The following PAPPA2 variants were observed in gnomAD, a reference collection of about 807,000 sequenced individuals.
PAPPA2 encodes the protein pappalysin-2.
A neutral mutation model predicts 176.4 loss-of-function variants in PAPPA2; 86 were observed. The ratio of observed to expected loss-of-function variants is 0.49; its 90% CI spans 0.41 to 0.58. PAPPA2 has a LOEUF of 0.58. Among genes scored for constraint, PAPPA2 ranks in the 20% least tolerant of loss-of-function variants. The pLI is 0.00. For missense variants in PAPPA2, 2,073 were observed against 2,256.9 expected (o/e 0.92, Z 1.65); for synonymous variants, 809 against 852.2 (o/e 0.95, Z 0.88).
intron 2 of PAPPA2, among the ~76,000 whole-genome samples, chr1:176,558,779 CTG>C (rs1216552044): frequency 1.3e-5 from 2 of 152,170 alleles, no homozygotes; most frequent in Non-Finnish European, 2.9e-5. Context: ...GCCAGGGAAA[CTG>C]TGTGCTTGCA....
intron 12 of PAPPA2, 144 bp downstream of exon 12, chr1:176,712,125 GT>G: frequency 2.0e-6 from 2 of 1,020,980 alleles, no homozygotes; most frequent in Non-Finnish European, 2.8e-6. Flanking sequence ...AATATTTTGA[GT>G]TTATTTTCAC....
At chr1:176,614,193 A>T (rs762947671) in intron 3 of PAPPA2, among the ~76,000 whole-genome samples, 15 of 151,864 alleles carry the variant, frequency 9.9e-5, no homozygotes, top group Non-Finnish European at 1.8e-4. Flanking sequence ...GAAAGAGGGG[A>T]ATGAAAGGAG....
chr1:176,753,554 CTTTT>C (rs77817405), intron 14 of PAPPA2, among the ~76,000 whole-genome samples: 3 of 73,498 alleles, frequency 4.1e-5, no homozygotes, highest in African/African-American at 6.7e-5. Context: ...AAGGCTCCTC[CTTTT>C]TTTTTTTTTT....
chr1:176,714,420 A>G (rs1661279518), intron 12 of PAPPA2, among the ~76,000 whole-genome samples: 1 of 151,998 alleles, frequency 6.6e-6, no homozygotes, highest in African/African-American at 2.4e-5. Context: ...AAAAAAAAAA[A>G]GGATACCTTG....
In PAPPA2 at chr1:176,556,509, C is replaced by G; in HGVS notation, c.187C>G (p.Pro63Ala). 6.2e-7 allele frequency: 1 copy of G among 1,614,204 alleles called. No homozygotes were observed. The highest frequency in any genetic ancestry group is 8.5e-7 in the Non-Finnish European group (1 of 1,180,034). The change falls in exon 2 of 23, where the codon CCA becomes GCA. Residue 63 changes from proline (P) to alanine (A), a missense_variant. Physicochemically the swap from Pro to Ala is conservative, Grantham distance 27. Coordinates refer to ENST00000367662, the MANE Select transcript of PAPPA2 (RefSeq NM_020318.3). ...GAKVRRPRAS[P>A]QHHLFGVYPS... Reference sequence around the variant, plus strand: ...CAAGGTTCGAAGACCCAGAGCTTCTCCACAGCATCACCTCTTTGGAGTCTA... The same window carrying G: ...CAAGGTTCGAAGACCCAGAGCTTCTGCACAGCATCACCTCTTTGGAGTCTA...
At position 176,843,855 on chromosome 1, in the gene PAPPA2, C is replaced by A. The variant is rs1178029313; in HGVS notation, c.*1401C>A. ...TCTCTTCAAGTATCATGTACAAAAT[C>A]TGTGAGCCAGAGATTTTGACTTGAG... On this transcript the variant is annotated 3_prime_UTR_variant, in exon 23 of 23. Coordinates refer to ENST00000367662, the MANE Select transcript of PAPPA2 (RefSeq NM_020318.3). The A allele has an allele frequency of 6.6e-6, 1 of 152,102 alleles. No individual in the cohort carries two copies. The highest frequency in any genetic ancestry group is 1.5e-5 in the Non-Finnish European group (1 of 68,022). The allele number at this position is 152,102 out of a possible 1,614,324, so 9.4% of individuals were successfully genotyped here. A position where few individuals can be genotyped will look rare whatever the true frequency, so the allele number is the denominator to read the frequency against.
chr1:176,651,097 T>C (rs1385603338), intron 3 of PAPPA2, among the ~76,000 whole-genome samples: 1 of 151,780 alleles, frequency 6.6e-6, no homozygotes, highest in African/African-American at 2.4e-5. Context: ...TATTAGATTG[T>C]TATAGCTATT....
intron 1 of PAPPA2, among the ~76,000 whole-genome samples, chr1:176,527,622 G>T (rs1649568023): frequency 6.6e-6 from 1 of 152,160 alleles, no homozygotes; most frequent in Non-Finnish European, 1.5e-5. Flanking sequence ...TGTTCCTTTG[G>T]TTTTGCCCCC....
At chr1:176,800,221 G>A (rs1665623820) in intron 21 of PAPPA2, 89 bp downstream of exon 21, 1 of 1,268,278 alleles carries the variant, frequency 7.9e-7, no homozygotes, top group Non-Finnish European at 1.1e-6. Flanking sequence ...TTAGGACCTG[G>A]TCCCTCTCCT....
rs1239535026 is a variant in PAPPA2, at chr1:176,497,141, C to CA, written c.-917+33723_-917+33724insA. 1.3e-3 allele frequency among the ~76,000 whole-genome samples: 201 copies of CA among 152,306 alleles called. 1 individual carries two copies. The highest frequency in any genetic ancestry group is 1.2e-3 in the Non-Finnish European group (84 of 68,030). ...ATTATTACCTCTTTCACCAATGTGT[C>CA]TAAGTCCCAGTTAGATTATATAAAG... On this transcript the variant is annotated intron_variant, in intron 1 of 22. Coordinates refer to ENST00000367662, the MANE Select transcript of PAPPA2 (RefSeq NM_020318.3).
intron 3 of PAPPA2, among the ~76,000 whole-genome samples, chr1:176,603,459 C>T (rs774189266): frequency 8.5e-5 from 13 of 152,094 alleles, no homozygotes; most frequent in South Asian, 4.1e-4. Flanking sequence ...TTAGGGTGGC[C>T]GTCAGGGGTT....
intron 14 of PAPPA2, among the ~76,000 whole-genome samples, chr1:176,746,607 A>AT (rs535945421): frequency 1.3e-5 from 2 of 152,132 alleles, no homozygotes; most frequent in East Asian, 1.9e-4. Context: ...AGAAATTCAT[A>AT]TTTTTTTAAT....
At chr1:176,484,628 T>C (rs1414302256) in intron 1 of PAPPA2, among the ~76,000 whole-genome samples, 3 of 152,246 alleles carry the variant, frequency 2.0e-5, no homozygotes, top group African/African-American at 4.8e-5. Flanking sequence ...ATGTCTAGTC[T>C]ACTGTTAAGC....
At chr1:176,471,445 A>C (rs554306486) in intron 1 of PAPPA2, among the ~76,000 whole-genome samples, 23 of 152,310 alleles carry the variant, frequency 1.5e-4, no homozygotes, top group African/African-American at 5.5e-4. Flanking sequence ...AAAATAAAAC[A>C]CAAATATAGA....
intron 4 of PAPPA2, among the ~76,000 whole-genome samples, chr1:176,678,734 A>T (rs1237443004): frequency 1.3e-5 from 2 of 152,108 alleles, no homozygotes; most frequent in Non-Finnish European, 2.9e-5. Flanking sequence ...GCTAGGAATA[A>T]AAACTTTATT....
intron 1 of PAPPA2, among the ~76,000 whole-genome samples, chr1:176,465,158 A>G (rs1651557348): frequency 1.3e-5 from 2 of 152,208 alleles, no homozygotes; most frequent in South Asian, 4.1e-4. Context: ...TTTTTGGGGT[A>G]CATCTAAGTT....
At chr1:176,484,911 C>A (rs1652577806) in intron 1 of PAPPA2, among the ~76,000 whole-genome samples, 1 of 152,200 alleles carries the variant, frequency 6.6e-6, no homozygotes, top group South Asian at 2.1e-4. Context: ...TTTCCTGCCC[C>A]AGCACCAGTT....
intron 14 of PAPPA2, among the ~76,000 whole-genome samples, chr1:176,755,583 G>C (rs564477845): frequency 2.6e-5 from 4 of 152,290 alleles, no homozygotes; most frequent in African/African-American, 9.6e-5. Context: ...ATAAATAATA[G>C]AGAGAGAGTC....
chr1:176,823,662 A>G (rs7544010), intron 21 of PAPPA2, among the ~76,000 whole-genome samples: 83,962 of 151,972 alleles, frequency 0.55, 24,076 homozygotes, highest in East Asian at 0.72. Flanking sequence ...GCCTCCTTGA[A>G]GACAGAGGAG....
Sources: allele counts gnomAD v4.1 joint callset (sites outside exome capture counted in the v4.1 genomes callset), GRCh38; gene constraint gnomAD v4.1.1; transcripts MANE v1.5; gene names NCBI Gene and HGNC (gene_info 2026-07-23, HGNC 2026-07-21).